The following LRRC42 variants were observed in gnomAD, a reference collection of about 807,000 sequenced individuals.
The protein encoded by LRRC42 is leucine-rich repeat-containing protein 42.
LRRC42 carries 43 observed loss-of-function variants against 44.3 expected under a neutral mutation model. The ratio of observed to expected loss-of-function variants is 0.97; its 90% CI spans 0.76 to 1.25. The LOEUF (loss-of-function observed/expected upper bound fraction) is 1.25, where lower values mean the gene tolerates loss of function less well. Among genes scored for constraint, LRRC42 ranks in the 50% most tolerant of loss-of-function variants. LRRC42 has a pLI of 0.00. For synonymous variants in LRRC42, 207 were observed against 195.2 expected (o/e 1.06, Z -0.50); for missense variants, 540 against 509.1 (o/e 1.06, Z -0.58).
intron 7 of LRRC42, among the ~76,000 whole-genome samples, chr1:53,963,193 G>A (rs969465159): frequency 1.3e-5 from 2 of 152,162 alleles, no homozygotes; most frequent in Non-Finnish European, 2.9e-5. Flanking sequence ...CTGGATTGTA[G>A]CGTCACCTCT....
intron 2 of LRRC42, among the ~76,000 whole-genome samples, chr1:53,951,606 G>T (rs941358384): frequency 4.6e-5 from 7 of 152,272 alleles, no homozygotes; most frequent in Admixed American, 4.6e-4. Context: ...TGTATTTTTA[G>T]TAGAGATGGG....
intron 8 of LRRC42, 27 bp from the exon 9 acceptor site, chr1:53,967,638 A>ACTC: frequency 6.2e-7 from 1 of 1,609,426 alleles, no homozygotes; most frequent in Non-Finnish European, 8.5e-7. Flanking sequence ...AGTGTAGTGA[A>ACTC]CTCATCATCC....
intron 4 of LRRC42, among the ~76,000 whole-genome samples, chr1:53,959,435 A>C (rs1043141853): frequency 6.6e-6 from 1 of 152,182 alleles, no homozygotes; most frequent in African/African-American, 2.4e-5. Flanking sequence ...ACAGCATTAC[A>C]AACCTAGGTC....
In LRRC42 at chr1:53,967,666, T is replaced by C; in HGVS notation, c.1014T>C (p.Tyr338=). ...SEPRAAAQRF[Y]GKRSRAEAPL... is the part of the protein sequence containing the mutation. ...CATCATCCCTCCCTTCTGTCACAGA[T>C]GGGAAGCGGTCTCGAGCAGAAGCCC... Residue 338 remains tyrosine, a splice_region_variant and synonymous_variant, in exon 9 of 9, where the codon TAT becomes TAC. Transcript: ENST00000371370. 6.2e-7 allele frequency: 1 copy of C among 1,612,878 alleles called. No homozygotes were observed. The highest frequency in any genetic ancestry group is 8.5e-7 in the Non-Finnish European group (1 of 1,179,036).
chr1:53,967,573 G>C, intron 8 of LRRC42, 92 bp from the exon 9 acceptor site: 1 of 1,231,470 alleles, frequency 8.1e-7, no homozygotes, highest in Admixed American at 2.0e-5. Context: ...CCCTGTTTGG[G>C]CCTTTGTCAT....
Position 53,952,204 on chromosome 1 carries a change from A to C in LRRC42, c.205A>C (p.Thr69Pro). 1 of 1,614,178 alleles carries C rather than the reference A, an allele frequency of 6.2e-7. No homozygotes were observed. Among genetic ancestry groups the C allele is most frequent in the Non-Finnish European group, 8.5e-7 (1 of 1,180,032 alleles). Reference sequence around the variant, plus strand: ...AGACGACACTGCACGGAAAGAGAAGACTGATCATTTCATCTTCACATACAC... The same window carrying C: ...AGACGACACTGCACGGAAAGAGAAGCCTGATCATTTCATCTTCACATACAC... ...REDDTARKEK[T>P]DHFIFTYTRE... is the part of the protein sequence containing the mutation. Residue 69 changes from threonine (T) to proline (P), a missense_variant, in exon 3 of 9, where the codon ACT (threonine) becomes CCT (proline). Thr to Pro is a conservative substitution (Grantham distance 38). Coordinates refer to ENST00000371370, the MANE Select transcript of LRRC42 (RefSeq NM_001256409.2).
chr1:53,954,396 C>G (rs1462189247), intron 3 of LRRC42, among the ~76,000 whole-genome samples: 1 of 152,188 alleles, frequency 6.6e-6, no homozygotes, highest in Non-Finnish European at 1.5e-5. Flanking sequence ...AGCAATATTT[C>G]ATTGTGGCTT....
intron 3 of LRRC42, among the ~76,000 whole-genome samples, chr1:53,954,330 T>A (rs1654772299): frequency 6.6e-6 from 1 of 152,222 alleles, no homozygotes; most frequent in Non-Finnish European, 1.5e-5. Context: ...ATGGCTGGAC[T>A]TGGGACTGCT....
In LRRC42 at chr1:53,958,135, T is replaced by G; in HGVS notation, c.474-14T>G. 1 of 1,613,304 alleles carries G rather than the reference T, an allele frequency of 6.2e-7. No homozygotes were observed. Among genetic ancestry groups the G allele is most frequent in the South Asian group, 1.1e-5 (1 of 91,048 alleles). On this transcript the variant is annotated splice_polypyrimidine_tract_variant and intron_variant, in intron 3 of 8. Coordinates refer to ENST00000371370, the MANE Select transcript of LRRC42 (RefSeq NM_001256409.2). The stretch of plus-strand genomic sequence containing the variant: ...AGTGAGGGGAAGCTATTGATTGCTC[T>G]CCACGCTCCGTAGGTATCTCGTGAT...
chr1:53,958,317 A>G, intron 4 of LRRC42, 37 bp downstream of exon 4: 1 of 1,609,410 alleles, frequency 6.2e-7, no homozygotes, highest in Non-Finnish European at 8.5e-7. Flanking sequence ...GAATTGTTTC[A>G]GTATTGTTTT....
intron 8 of LRRC42, 52 bp downstream of exon 8, chr1:53,966,432 A>C (rs1404943445): frequency 3.1e-6 from 4 of 1,284,604 alleles, no homozygotes; most frequent in Non-Finnish European, 3.4e-6. Flanking sequence ...TGCATCCTTA[A>C]AGCAGTTCGC....
chr1:53,966,779 C>G (rs1055151333), intron 8 of LRRC42, among the ~76,000 whole-genome samples: 1 of 151,918 alleles, frequency 6.6e-6, no homozygotes, highest in Admixed American at 6.6e-5. Flanking sequence ...AGTAAGGAAA[C>G]CGACACAACA....
rs747386385 is a variant in LRRC42 at position 53,952,321 on chromosome 1, A to G, written c.322A>G (p.Ile108Val). The G allele has an allele frequency of 3.1e-6, 5 of 1,614,070 alleles. No individual in the cohort carries two copies. Residue 108 changes from isoleucine (I) to valine (V), a missense_variant, in exon 3 of 9, where the codon ATT (isoleucine) becomes GTT (valine). Ile to Val is a conservative substitution (Grantham distance 29, BLOSUM62 3). Transcript: ENST00000371370. Reference sequence around the variant, plus strand: ...CAATGTGGATCACATTGATTCCCTTATTGGCTTTCCTGAGCAGATTGCTGA... The same window carrying G: ...CAATGTGGATCACATTGATTCCCTTGTTGGCTTTCCTGAGCAGATTGCTGA... Reference protein sequence around the residue: ...SDNVDHIDSLIGFPEQIAEKL... With the variant: ...SDNVDHIDSLVGFPEQIAEKL...
rs1446285352 is a variant in LRRC42 at position 53,952,448 on chromosome 1, T to C, written c.449T>C (p.Leu150Pro). Residue 150 changes from leucine (L) to proline (P), a missense_variant, in exon 3 of 9, where the codon CTT becomes CCT. Coordinates refer to ENST00000371370, the MANE Select transcript of LRRC42 (RefSeq NM_001256409.2). The stretch of plus-strand genomic sequence containing the variant: ...ACTGAGGCCTATGGAAGTTTGGTGC[T>C]TTGCTCCCTGTGTTTGCGAAACAGG... ...KFTEAYGSLV[L>P]CSLCLRNRYL... The C allele has an allele frequency of 6.3e-7, 1 of 1,599,626 alleles. No homozygotes were observed. Among genetic ancestry groups the C allele is most frequent in the South Asian group, 1.1e-5 (1 of 90,570 alleles).
At chr1:53,959,619 T>A (rs1395698852) in intron 4 of LRRC42, among the ~76,000 whole-genome samples, 1 of 152,256 alleles carries the variant, frequency 6.6e-6, no homozygotes, top group South Asian at 2.1e-4. Flanking sequence ...TGGGTATACC[T>A]TATTAACCCA....
intron 7 of LRRC42, 62 bp downstream of exon 7, chr1:53,962,471 A>T: frequency 1.0e-6 from 1 of 1,004,488 alleles, no homozygotes; most frequent in Non-Finnish European, 1.6e-6. Flanking sequence ...CAAGTGTCTT[A>T]TCCAACACAT....
intron 7 of LRRC42, among the ~76,000 whole-genome samples, chr1:53,965,837 G>A (rs1381544418): frequency 6.6e-6 from 1 of 152,164 alleles, no homozygotes; most frequent in Non-Finnish European, 1.5e-5. Flanking sequence ...AGTTTAAAAA[G>A]TAAAAACTGA....
chr1:53,954,237 A>G (rs1216860760), intron 3 of LRRC42, among the ~76,000 whole-genome samples: 2 of 152,222 alleles, frequency 1.3e-5, no homozygotes, highest in Admixed American at 1.3e-4. Context: ...AAAGACATAA[A>G]CACATGCAGA....
intron 7 of LRRC42, among the ~76,000 whole-genome samples, chr1:53,966,006 T>C (rs970654058): frequency 1.3e-4 from 20 of 152,232 alleles, no homozygotes; most frequent in Admixed American, 4.6e-4. Context: ...GGATATGTAA[T>C]TTATTTCCAG....
Sources: gnomAD v4.1 joint callset for allele counts (sites outside exome capture counted in the v4.1 genomes callset) on GRCh38, gnomAD v4.1.1 for gene constraint, MANE v1.5 for transcripts, NCBI Gene and HGNC (gene_info 2026-07-23, HGNC 2026-07-21) for gene names.